Variants in CDH23 observed in about 807,000 individuals in gnomAD.
CDH23 encodes cadherin-23.
A neutral mutation model predicts 317.1 loss-of-function variants in CDH23; 189 were observed. The ratio of observed to expected loss-of-function variants is 0.60; its 90% confidence interval spans 0.53 to 0.67. CDH23 has a LOEUF of 0.67. Among genes scored for constraint, CDH23 ranks in the 30% least tolerant of loss-of-function variants. The pLI is 0.00. For missense variants in CDH23, 4,401 were observed against 4,592.4 expected (o/e 0.96, Z 1.20); for synonymous variants, 1,839 against 1,876.8 (o/e 0.98, Z 0.52).
In CDH23 at chr10:71,761,102, C is replaced by T. The variant is rs188723368; in HGVS notation, c.4846-16578C>T. ...CCACACACACCCTGGCATGTTCTCA[C>T]CCTGCCCATTTTCATGCCACTCCCA... On this transcript the variant is annotated intron_variant, in intron 38 of 69. Coordinates refer to ENST00000224721, the MANE Select transcript of CDH23 (RefSeq NM_022124.6). Among the ~76,000 whole-genome samples, 171 of 152,250 alleles carry T rather than the reference C, an allele frequency of 1.1e-3. 1 individual carries two copies. The highest frequency in any genetic ancestry group is 6.8e-3 in the Middle Eastern group (2 of 294).
intron 11 of CDH23, among the ~76,000 whole-genome samples, chr10:71,635,784 T>A (rs189431558): frequency 6.6e-6 from 1 of 152,200 alleles, no homozygotes. Flanking sequence ...CAGGCTGCTG[T>A]AACAAACTAC....
At chr10:71,508,873 A>G (rs776914955) in intron 3 of CDH23, among the ~76,000 whole-genome samples, 2 of 152,228 alleles carry the variant, frequency 1.3e-5, no homozygotes, top group African/African-American at 2.4e-5. Context: ...CCTGAAGCTA[A>G]GGAGACCAAC....
At chr10:71,573,607 C>T (rs1857964631) in intron 8 of CDH23, among the ~76,000 whole-genome samples, 1 of 152,208 alleles carries the variant, frequency 6.6e-6, no homozygotes, top group African/African-American at 2.4e-5. Flanking sequence ...TGATTCTCCT[C>T]TCTCAGACGC....
chr10:71,642,303 G>A (rs1862588169), intron 11 of CDH23, among the ~76,000 whole-genome samples: 1 of 151,672 alleles, frequency 6.6e-6, no homozygotes, highest in Admixed American at 6.6e-5. Flanking sequence ...AATGGGGAAT[G>A]CCCGCATCAG....
Position 71,645,852 on chromosome 10 carries a change from G to C in CDH23, c.1162G>C (p.Val388Leu). 1 of 1,612,110 alleles carries C rather than the reference G, an allele frequency of 6.2e-7. No homozygotes were observed. The highest frequency in any genetic ancestry group is 8.5e-7 in the Non-Finnish European group (1 of 1,178,424). ...ENLGLNSMFE[V>L]YLVGNNSHHF... ...CCAGGGCCTGAACAGCATGTTTGAG[G>C]TGTACTTGGTGGGGAACAACTCCCA... Residue 388 changes from valine to leucine, a missense_variant, in exon 13 of 70, where the codon GTG becomes CTG. By Grantham distance (32) the Val-to-Leu change is conservative (BLOSUM62 1). Coordinates refer to ENST00000224721, the MANE Select transcript of CDH23 (RefSeq NM_022124.6).
intron 14 of CDH23, among the ~76,000 whole-genome samples, chr10:71,661,699 C>T (rs978059170): frequency 6.8e-6 from 1 of 147,072 alleles, no homozygotes; most frequent in Non-Finnish European, 1.5e-5. Context: ...CATGGGTGCT[C>T]CTAGCGTACC....
At chr10:71,424,615 C>G (rs1376290812) in intron 1 of CDH23, among the ~76,000 whole-genome samples, 1 of 152,226 alleles carries the variant, frequency 6.6e-6, no homozygotes, top group Non-Finnish European at 1.5e-5. Flanking sequence ...GCCTTCCCTG[C>G]AACATAGTGT....
intron 48 of CDH23, chr10:71,796,837 C>T (rs981855698): frequency 1.4e-5 from 5 of 356,382 alleles, no homozygotes; most frequent in Non-Finnish European, 2.7e-5. Flanking sequence ...GTGTAATTAT[C>T]TAGTTTTACA....
intron 49 of CDH23, 126 bp from the exon 50 acceptor site, chr10:71,798,228 C>T: frequency 1.4e-6 from 1 of 698,332 alleles, no homozygotes; most frequent in East Asian, 2.7e-5. Context: ...CAGGTCAATC[C>T]TCAGGCAGCC....
intron 28 of CDH23, chr10:71,715,310 C>G (rs1266971183): frequency 2.6e-5 from 4 of 152,298 alleles, no homozygotes; most frequent in Non-Finnish European, 5.9e-5. Flanking sequence ...CTGCCAAGAC[C>G]ATGCTTGGAG....
intron 2 of CDH23, among the ~76,000 whole-genome samples, chr10:71,443,138 C>A (rs1388736230): frequency 6.6e-6 from 1 of 152,184 alleles, no homozygotes; most frequent in African/African-American, 2.4e-5. Context: ...AGAGCCACTG[C>A]ACCTTCAGCC....
intron 9 of CDH23, among the ~76,000 whole-genome samples, chr10:71,592,993 C>T (rs1294087256): frequency 6.6e-6 from 1 of 152,208 alleles, no homozygotes; most frequent in African/African-American, 2.4e-5. Flanking sequence ...GGCCAGCTTA[C>T]CACTACAGCA....
intron 6 of CDH23, among the ~76,000 whole-genome samples, chr10:71,516,666 G>A (rs1173847257): frequency 2.0e-5 from 3 of 152,138 alleles, no homozygotes; most frequent in African/African-American, 7.2e-5. Context: ...ACCTCCTGGG[G>A]TAGCCACTCT....
intron 6 of CDH23, among the ~76,000 whole-genome samples, chr10:71,529,323 G>A (rs1410364367): frequency 6.6e-6 from 1 of 152,188 alleles, no homozygotes; most frequent in East Asian, 1.9e-4. Context: ...GACCCACCCA[G>A]GGTGGCAACA....
intron 9 of CDH23, among the ~76,000 whole-genome samples, chr10:71,581,473 C>G (rs148432750): frequency 4.6e-5 from 7 of 152,308 alleles, no homozygotes; most frequent in African/African-American, 1.7e-4. Context: ...CTTGCCCAGT[C>G]CCCTGAGGCC....
In CDH23 at chr10:71,470,769, G is replaced by C. The variant is rs1218328391; in HGVS notation, c.145+24374G>C. On this transcript the variant is annotated intron_variant, in intron 3 of 69. Transcript: ENST00000224721. Reference sequence around the variant, plus strand: ...GCCTCTCAAAGTGCTGGGATTACAGGCATGAGCCACTGTGCCTGGCCCTTA... The same window carrying C: ...GCCTCTCAAAGTGCTGGGATTACAGCCATGAGCCACTGTGCCTGGCCCTTA... Among the ~76,000 whole-genome samples, 41 of 152,288 alleles carry C rather than the reference G, an allele frequency of 2.7e-4. 1 individual carries two copies. In the East Asian group the frequency reaches 7.9e-3, roughly 29 times the overall value.
At chr10:71,554,564 C>T (rs1856779143) in intron 6 of CDH23, among the ~76,000 whole-genome samples, 1 of 152,276 alleles carries the variant, frequency 6.6e-6, no homozygotes, top group Non-Finnish European at 1.5e-5. Context: ...TGTATGCCTC[C>T]AGCCCCTGCA....
chr10:71,784,255 G>A (rs554958371), intron 41 of CDH23, 32 bp from the exon 42 acceptor site: 29 of 1,601,238 alleles, frequency 1.8e-5, no homozygotes, highest in Middle Eastern at 1.7e-4. Flanking sequence ...GCCAATGCCC[G>A]ACTAACTTGG....
At position 71,611,716 on chromosome 10, in the gene CDH23, G is replaced by A. The variant is rs946309618; in HGVS notation, c.833-3788G>A. 3.9e-5 allele frequency among the ~76,000 whole-genome samples: 6 copies of A among 152,174 alleles called. No individual in the cohort carries two copies. In the East Asian group the frequency reaches 7.7e-4, roughly 20 times the overall value. ...AACCCGTGCTGTCTGCCTCCAGAGG[G>A]TGTAATCTTAACCATTTCTTTTCCG... On this transcript the variant is annotated intron_variant, in intron 9 of 69. Transcript: ENST00000224721.
Sources: gnomAD v4.1 joint callset for allele counts (sites outside exome capture counted in the v4.1 genomes callset) on GRCh38, gnomAD v4.1.1 for gene constraint, MANE v1.5 for transcripts, NCBI Gene and HGNC (gene_info 2026-07-23, HGNC 2026-07-21) for gene names.